Variants in NCOR2 observed in about 807,000 individuals in gnomAD.
NCOR2 encodes nuclear receptor corepressor 2.
In NCOR2, 81 loss-of-function variants were observed where a neutral mutation model predicts 262.9. That is an observed-to-expected ratio of 0.31 (90% confidence interval 0.26 to 0.37). NCOR2 has a LOEUF of 0.37. Among genes scored for constraint, NCOR2 ranks in the 10% least tolerant of loss-of-function variants. The pLI is 1.00. For synonymous variants in NCOR2, 1,659 were observed against 1,559.3 expected, an observed-to-expected ratio of 1.06 and a Z score of -1.51; for missense variants, 3,385 against 3,621.4, an observed-to-expected ratio of 0.93 and a Z score of 1.68.
intron 16 of NCOR2, chr12:124,388,716 G>C: frequency 1.5e-6 from 2 of 1,304,406 alleles, no homozygotes; most frequent in Non-Finnish European, 2.0e-6. Context: ...CCTCGGCCAA[G>C]TTTTCCGGAA....
intron 8 of NCOR2, among the ~76,000 whole-genome samples, chr12:124,433,797 G>A (rs1014309354): frequency 2.7e-5 from 4 of 150,914 alleles, no homozygotes; most frequent in Non-Finnish European, 4.4e-5. Context: ...ACTGGCCAGG[G>A]GAGGAAACAG....
chr12:124,351,526 C>A (rs553834690), intron 27 of NCOR2, among the ~76,000 whole-genome samples: 2 of 152,090 alleles, frequency 1.3e-5, no homozygotes, highest in African/African-American at 4.8e-5. Context: ...GGCACAATTT[C>A]CCCCAATTGA....
chr12:124,510,149 C>T (rs79646437), intron 1 of NCOR2, among the ~76,000 whole-genome samples: 4,112 of 152,286 alleles, frequency 0.027, 66 homozygotes, highest in Middle Eastern at 0.075. Context: ...TGTTCCAGGC[C>T]TCGGGGGCAG....
intron 24 of NCOR2, 63 bp downstream of exon 26, chr12:124,355,369 C>A: frequency 6.4e-7 from 1 of 1,573,310 alleles, no homozygotes; most frequent in East Asian, 2.3e-5. Context: ...TTCATTGGTC[C>A]CATTGCCCCC....
intron 14 of NCOR2, among the ~76,000 whole-genome samples, chr12:124,401,052 G>T (rs2041960982): frequency 6.6e-6 from 1 of 152,080 alleles, no homozygotes; most frequent in South Asian, 2.1e-4. Context: ...AAAAGAAAAA[G>T]ATCAGAAAAT....
intron 7 of NCOR2, among the ~76,000 whole-genome samples, chr12:124,442,822 C>T (rs1213709369): frequency 6.6e-6 from 1 of 152,164 alleles, no homozygotes; most frequent in Admixed American, 6.5e-5. Context: ...AATGAGGTTA[C>T]TGGGGTGGGC....
chr12:124,507,109 C>G (rs2049089661), intron 1 of NCOR2, among the ~76,000 whole-genome samples: 1 of 152,196 alleles, frequency 6.6e-6, no homozygotes, highest in Admixed American at 6.5e-5. Context: ...AAAGGACAAA[C>G]ACTGTGCGAT....
exon 47 of NCOR2, chr12:124,325,472 T>G: frequency 2.3e-6 from 3 of 1,288,704 alleles, no homozygotes; most frequent in South Asian, 1.9e-5. Context: ...CCAGGCGTGG[T>G]GGGGGCCAGC....
At position 124,401,574 on chromosome 12, in the gene NCOR2, T is replaced by C. The variant is rs566474377; in HGVS notation, c.1640+830A>G. On this transcript the variant is annotated intron_variant, in intron 14 of 46. Transcript: ENST00000405201. ...CAAGGGCCGGGCATCATCTTAGACA[T>C]TGGCAGGAGGAAACTCTCTTGCTGG... 2.0e-4 allele frequency among the ~76,000 whole-genome samples: 31 copies of C among 152,324 alleles called. 1 individual carries two copies. The highest frequency in any genetic ancestry group is 6.8e-3 in the Middle Eastern group (2 of 294).
At chr12:124,479,145 G>A (rs1565980808) in intron 3 of NCOR2, among the ~76,000 whole-genome samples, 1 of 152,202 alleles carries the variant, frequency 6.6e-6, no homozygotes, top group Non-Finnish European at 1.5e-5. Context: ...GACAAAACGC[G>A]CACCTGGGGG....
At chr12:124,354,385 A>G in intron 26 of NCOR2, 93 bp downstream of exon 28, 1 of 1,262,934 alleles carries the variant, frequency 7.9e-7, no homozygotes. Context: ...CCTCTGGGAG[A>G]TGACACTTCC....
At chr12:124,326,074 C>T (rs2034612911) in intron 46 of NCOR2, 117 bp downstream of exon 48, 1 of 1,190,190 alleles carries the variant, frequency 8.4e-7, no homozygotes, top group South Asian at 1.8e-5. Context: ...TTCCACAGAA[C>T]AGGCCCGAGT....
chr12:124,421,786 T>C (rs1449295855), intron 12 of NCOR2, among the ~76,000 whole-genome samples: 1 of 152,162 alleles, frequency 6.6e-6, no homozygotes, highest in Non-Finnish European at 1.5e-5. Context: ...TGCAGCCTCA[T>C]CCAGCCACCT....
chr12:124,341,701 G>A (rs954417072), intron 34 of NCOR2, 122 bp downstream of exon 36: 16 of 1,447,086 alleles, frequency 1.1e-5, no homozygotes, highest in South Asian at 8.0e-5. Context: ...ACTCAGGTCC[G>A]TTCACACAAG....
chr12:124,450,537 GAAGC>G (rs981055050), intron 6 of NCOR2, among the ~76,000 whole-genome samples: 3 of 152,328 alleles, frequency 2.0e-5, no homozygotes, highest in African/African-American at 7.2e-5. Flanking sequence ...CGGCCAGTGA[GAAGC>G]AAGCTAGCCG....
chr12:124,438,055 G>A lies in NCOR2; in HGVS notation c.816-59C>T, dbSNP rs372237770. 47 of 1,513,452 alleles carry A rather than the reference G, an allele frequency of 3.1e-5. No individual in the cohort carries two copies. The African/African-American group carries it at 4.1e-4, about 13-fold the overall frequency. The allele number at this position is 1,513,452 out of a possible 1,614,324, so 93.8% of individuals were successfully genotyped here. A position where few individuals can be genotyped will look rare whatever the true frequency, so the allele number is the denominator to read the frequency against. ...CGGCCGGGCTCAGGCGCTGCACCCC[G>A]TGCCATCCTGTTTGCTGAGAGTGAG... is the stretch of plus-strand genomic sequence containing the variant. On this transcript the variant is annotated intron_variant, in intron 7 of 46. Coordinates refer to ENST00000405201, the Ensembl canonical transcript of NCOR2.
At position 124,432,440 on chromosome 12, in the gene NCOR2, A is replaced by C. The variant is rs2044015370; in HGVS notation, c.883-1653T>G. Among the ~76,000 whole-genome samples the C allele has an allele frequency of 6.6e-6, 1 of 152,098 alleles. No individual in the cohort carries two copies. The highest frequency in any genetic ancestry group is 2.1e-4 in the South Asian group (1 of 4,824). Reference sequence around the variant, plus strand: ...CCATGTGTGGCTCAACTGAAATCACAAATCCAGTAAAATTTAAGAGTCGGG... The same window carrying C: ...CCATGTGTGGCTCAACTGAAATCACCAATCCAGTAAAATTTAAGAGTCGGG... On this transcript the variant is annotated intron_variant, in intron 8 of 46. Transcript: ENST00000405201. The surrounding 1 kb of genome is among the most constrained non-coding windows in gnomAD (Gnocchi z 5.1).
chr12:124,340,396 G>C (rs768362888), exon 36 of NCOR2: 14 of 1,613,056 alleles, frequency 8.7e-6, no homozygotes, highest in Non-Finnish European at 1.2e-5. Flanking sequence ...TCTCGCTCCC[G>C]CTCGGACGAG....
chr12:124,422,678 G>A, intron 11 of NCOR2, 123 bp from the exon 14 acceptor site: 3 of 1,122,784 alleles, frequency 2.7e-6, no homozygotes, highest in Non-Finnish European at 2.6e-6. Flanking sequence ...GCCCCACTTG[G>A]AGCAATTAAG....
Sources: allele counts gnomAD v4.1 joint callset (sites outside exome capture counted in the v4.1 genomes callset), GRCh38; gene constraint gnomAD v4.1.1; non-coding constraint Gnocchi (gnomAD v3.1); transcripts MANE v1.5; gene names NCBI Gene and HGNC (gene_info 2026-07-23, HGNC 2026-07-21).